Variants in HIPK2 observed in about 807,000 individuals in gnomAD.
HIPK2 encodes homeodomain-interacting protein kinase 2.
A neutral mutation model predicts 113.7 loss-of-function variants in HIPK2; 27 were observed. That is an observed-to-expected ratio of 0.24 (90% CI 0.17 to 0.33). The LOEUF is 0.33. Among genes scored for constraint, HIPK2 ranks in the 10% least tolerant of loss-of-function variants. The pLI, the probability that HIPK2 is intolerant of heterozygous loss-of-function variation, is 1.00. For missense variants in HIPK2, 1,257 were observed against 1,588.0 expected, an observed-to-expected ratio of 0.79 and a Z score of 3.54; for synonymous variants, 631 against 642.2, an observed-to-expected ratio of 0.98 and a Z score of 0.26.
intron 2 of HIPK2, among the ~76,000 whole-genome samples, chr7:139,655,516 G>A (rs748979521): frequency 1.3e-5 from 2 of 152,166 alleles, no homozygotes; most frequent in African/African-American, 4.8e-5. Flanking sequence ...CTTATCCGAC[G>A]TGGCAGGGTC....
At chr7:139,688,312 T>C (rs1794291032) in intron 2 of HIPK2, among the ~76,000 whole-genome samples, 1 of 152,226 alleles carries the variant, frequency 6.6e-6, no homozygotes, top group African/African-American at 2.4e-5. Context: ...TCCTCCACTT[T>C]TCCACTTTTT....
Position 139,583,613 on chromosome 7 carries a change from A to C in HIPK2, c.2965+204T>G, listed in dbSNP as rs937072121. The C allele has an allele frequency of 1.2e-5, 8 of 669,426 alleles. No homozygotes were observed. In the East Asian group the frequency reaches 2.2e-4, roughly 19 times the overall value. The allele number at this position is 669,426 out of a possible 1,614,324, so 41.5% of individuals were successfully genotyped here. A position where few individuals can be genotyped will look rare whatever the true frequency, so the allele number is the denominator to read the frequency against. ...CAGAGAGGTATTGATTACAGGATTA[A>C]AGAAGGAAAACGCTGCTTATACAAT... On this transcript the variant is annotated intron_variant, in intron 13 of 14. Transcript: ENST00000406875.
chr7:139,571,638 A>G lies in HIPK2; in HGVS notation c.*1289T>C, dbSNP rs1271948103. On this transcript the variant is annotated 3_prime_UTR_variant, in exon 15 of 15. Transcript: ENST00000406875. Reference sequence around the variant, plus strand: ...AAACAGCCCAGGAAAGACAACGGGCATTAACATTTTAAAAAGAAAAAGAAA... The same window carrying G: ...AAACAGCCCAGGAAAGACAACGGGCGTTAACATTTTAAAAAGAAAAAGAAA... 5 of 152,272 alleles carry G rather than the reference A, an allele frequency of 3.3e-5. No individual in the cohort carries two copies. Among genetic ancestry groups the G allele is most frequent in the Non-Finnish European group, 7.3e-5 (5 of 68,070 alleles). 9.4% of individuals were successfully genotyped at this position (152,272 alleles called of 1,614,324 possible).
intron 12 of HIPK2, among the ~76,000 whole-genome samples, chr7:139,590,930 G>C (rs915792510): frequency 6.6e-6 from 1 of 152,076 alleles, no homozygotes; most frequent in Non-Finnish European, 1.5e-5. Context: ...TTGCAGCCTC[G>C]AACTCCTGGG....
At chr7:139,777,579 G>A in intron 1 of HIPK2, 26 bp downstream of exon 1, 2 of 1,023,728 alleles carry the variant, frequency 2.0e-6, no homozygotes, top group South Asian at 4.5e-5. Context: ...GCGGGCGCGG[G>A]GTCGGCGGGG....
intron 2 of HIPK2, among the ~76,000 whole-genome samples, chr7:139,677,670 C>T (rs927336697): frequency 2.0e-5 from 3 of 152,166 alleles, no homozygotes; most frequent in Admixed American, 1.3e-4. Flanking sequence ...TGGTTTGCTG[C>T]ACCCATCAAC....
At position 139,694,016 on chromosome 7, in the gene HIPK2, C is replaced by T. The variant is rs190168142; in HGVS notation, c.1103+21916G>A. On this transcript the variant is annotated intron_variant, in intron 2 of 14. Coordinates refer to ENST00000406875, the MANE Select transcript of HIPK2 (RefSeq NM_022740.5). Reference sequence around the variant, plus strand: ...TTCCTTGAAGTGACTGATTCTAAACCGAGAAGAAACTTGGAACTGCAAAAG... The same window carrying T: ...TTCCTTGAAGTGACTGATTCTAAACTGAGAAGAAACTTGGAACTGCAAAAG... 2.7e-3 allele frequency among the ~76,000 whole-genome samples: 404 copies of T among 152,234 alleles called. 1 individual carries two copies. Among genetic ancestry groups the T allele is most frequent in the Non-Finnish European group, 4.9e-3 (332 of 68,022 alleles).
intron 2 of HIPK2, among the ~76,000 whole-genome samples, chr7:139,699,377 G>A (rs1569476790): frequency 6.6e-6 from 1 of 152,218 alleles, no homozygotes; most frequent in South Asian, 2.1e-4. Flanking sequence ...GGTGAGTCTC[G>A]CTTGCTAGAT....
chr7:139,770,083 C>A (rs1222697766), intron 1 of HIPK2, among the ~76,000 whole-genome samples: 1 of 152,210 alleles, frequency 6.6e-6, no homozygotes, highest in Non-Finnish European at 1.5e-5. Context: ...CGCTCAGATT[C>A]TGGTGAGTAG....
rs778977393 is a variant in HIPK2, at chr7:139,620,520, C to T, written c.1663G>A (p.Val555Met). 49 of 1,614,046 alleles carry T rather than the reference C, an allele frequency of 3.0e-5. No homozygotes were observed. Among genetic ancestry groups the T allele is most frequent in the Non-Finnish European group, 4.1e-5 (48 of 1,180,054 alleles). The change falls in exon 7 of 15, where the codon GTG becomes ATG. Residue 555 changes from valine to methionine, a missense_variant. Coordinates refer to ENST00000406875, the MANE Select transcript of HIPK2 (RefSeq NM_022740.5). ...FQNMEICKRR[V>M]NMYDTVNQSK... ...TGGTTCACCGTGTCATACATATTCA[C>T]CCGACGCTTGCAGATCTCCATGTTC...
intron 12 of HIPK2, among the ~76,000 whole-genome samples, chr7:139,596,449 T>C (rs1799216905): frequency 6.6e-6 from 1 of 152,226 alleles, no homozygotes; most frequent in African/African-American, 2.4e-5. Flanking sequence ...GTGCCCGATT[T>C]TTATGGTCTC....
chr7:139,666,048 G>A (rs989666783), intron 2 of HIPK2, among the ~76,000 whole-genome samples: 2 of 151,896 alleles, frequency 1.3e-5, no homozygotes. Context: ...ACTATTGGGG[G>A]CCAGAAGCCA....
chr7:139,627,378 T>C (rs1034128251), intron 5 of HIPK2, among the ~76,000 whole-genome samples: 1 of 152,114 alleles, frequency 6.6e-6, no homozygotes, highest in Admixed American at 6.6e-5. Context: ...AGGGCCTGAG[T>C]GTGCCCGTCC....
chr7:139,674,442 A>G (rs1802421979), intron 2 of HIPK2, among the ~76,000 whole-genome samples: 3 of 152,248 alleles, frequency 2.0e-5, no homozygotes, highest in Non-Finnish European at 4.4e-5. Flanking sequence ...GCGCAAATCC[A>G]TCCTGGGGAT....
chr7:139,617,930 T>C (rs998912815), intron 7 of HIPK2, among the ~76,000 whole-genome samples: 9 of 152,178 alleles, frequency 5.9e-5, no homozygotes, highest in Middle Eastern at 6.8e-3. Context: ...ACAGAAGAAG[T>C]CTTGTTGGAT....
intron 2 of HIPK2, among the ~76,000 whole-genome samples, chr7:139,697,618 A>AT (rs1191956384): frequency 2.0e-5 from 3 of 151,998 alleles, no homozygotes; most frequent in African/African-American, 4.8e-5. Flanking sequence ...CAGAAAATTA[A>AT]TTTTTTTCCC....
chr7:139,616,942 G>C (rs1159670348), intron 7 of HIPK2, among the ~76,000 whole-genome samples: 1 of 152,218 alleles, frequency 6.6e-6, no homozygotes, highest in Non-Finnish European at 1.5e-5. Context: ...TGAGCTCCTT[G>C]AGAGGCTGAA....
intron 1 of HIPK2, among the ~76,000 whole-genome samples, chr7:139,719,070 T>G (rs1468293831): frequency 1.4e-4 from 21 of 152,156 alleles, no homozygotes; most frequent in Admixed American, 1.4e-3. Context: ...CTTCAGTGAA[T>G]CTGTAATCTC....
In HIPK2 at chr7:139,566,198, G is replaced by A. The variant is rs897147214; in HGVS notation, c.*6729C>T. ...GTCCCACGGTGCATGGGATGGCACA[G>A]GGTGATGCTGTGTAAAGGCCTTTCT... is the stretch of plus-strand genomic sequence containing the variant. On this transcript the variant is annotated 3_prime_UTR_variant, in exon 15 of 15. Transcript: ENST00000406875. The surrounding 1 kb of genome is among the most constrained non-coding windows in gnomAD (Gnocchi z 4.1). 6.6e-6 allele frequency: 1 copy of A among 152,242 alleles called. No individual in the cohort carries two copies. The highest frequency in any genetic ancestry group is 2.4e-5 in the African/African-American group (1 of 41,456). 9.4% of individuals were successfully genotyped at this position (152,242 alleles called of 1,614,324 possible).
Sources: allele counts gnomAD v4.1 joint callset (sites outside exome capture counted in the v4.1 genomes callset), GRCh38; gene constraint gnomAD v4.1.1; non-coding constraint Gnocchi (gnomAD v3.1); transcripts MANE v1.5; gene names NCBI Gene and HGNC (gene_info 2026-07-23, HGNC 2026-07-21).